TDRD1: variants seen among roughly 807,000 people sequenced by gnomAD.
TDRD1 encodes the protein tudor domain-containing protein 1.
Under a neutral mutation model 140.6 loss-of-function variants are expected in TDRD1, and 37 were observed. The observed-to-expected ratio is 0.26, with a 90% CI of 0.20 to 0.35. The LOEUF (loss-of-function observed/expected upper bound fraction) is 0.35, where lower values mean the gene tolerates loss of function less well. Ranked by LOEUF, TDRD1 falls within the 10% of genes least tolerant of loss-of-function variation. TDRD1 has a pLI of 1.00. For synonymous variants in TDRD1, 506 were observed against 475.7 expected, an observed-to-expected ratio of 1.06 and a Z score of -0.83; for missense variants, 1,243 against 1,393.0, an observed-to-expected ratio of 0.89 and a Z score of 1.71.
rs760834714 is a variant in TDRD1 at position 114,210,853 on chromosome 10, T to C, written c.1553-7T>C. 1.9e-6 allele frequency: 3 copies of C among 1,614,018 alleles called. No homozygotes were observed. In the East Asian group the frequency reaches 6.7e-5, roughly 36 times the overall value. On this transcript the variant is annotated splice_region_variant and splice_polypyrimidine_tract_variant and intron_variant, in intron 12 of 25. Transcript: ENST00000251864. ...GTATTTCTTTAAGATGTGATCTTTA[T>C]CTGCAGGAAAGCTTGCTGAACTTCA... is the stretch of plus-strand genomic sequence containing the variant.
chr10:114,194,282 C>G (rs1322139729), intron 3 of TDRD1, among the ~76,000 whole-genome samples: 1 of 152,128 alleles, frequency 6.6e-6, no homozygotes, highest in Admixed American at 6.6e-5. Flanking sequence ...TAATTCTTCT[C>G]TAAACATTTG....
At chr10:114,218,246 TCTTTC>T (rs2035936010) in intron 17 of TDRD1, among the ~76,000 whole-genome samples, 163 bp from the exon 18 acceptor site, 1 of 152,194 alleles carries the variant, frequency 6.6e-6, no homozygotes, top group African/African-American at 2.4e-5. Context: ...TTTTGAGAAT[TCTTTC>T]ATTCTAGAGA....
chr10:114,210,607 A>G, exon 12 of TDRD1: 1 of 1,596,058 alleles, frequency 6.3e-7, no homozygotes, highest in Non-Finnish European at 8.6e-7. Context: ...TGGAAAAATG[A>G]CAACTGAAAA....
At chr10:114,188,687 T>G (rs2033728805) in intron 2 of TDRD1, among the ~76,000 whole-genome samples, 1 of 151,880 alleles carries the variant, frequency 6.6e-6, no homozygotes, top group Non-Finnish European at 1.5e-5. Flanking sequence ...TGAAACCCCA[T>G]CTCTACTAAA....
At chr10:114,193,511 C>G (rs1232900764) in intron 3 of TDRD1, among the ~76,000 whole-genome samples, 1 of 152,090 alleles carries the variant, frequency 6.6e-6, no homozygotes, top group Non-Finnish European at 1.5e-5. Flanking sequence ...TCAGGCCGGT[C>G]CCGAACTCCT....
intron 1 of TDRD1, chr10:114,179,898 C>T (rs889928166): frequency 6.6e-6 from 1 of 152,120 alleles, no homozygotes; most frequent in Non-Finnish European, 1.5e-5. Flanking sequence ...AATACGTTAG[C>T]CCTGCTGGGC....
exon 26 of TDRD1, chr10:114,231,716 A>T: frequency 1.9e-6 from 1 of 515,190 alleles, no homozygotes; most frequent in Non-Finnish European, 3.4e-6. Flanking sequence ...TACGTAAAAA[A>T]TTCATACCAA....
At chr10:114,217,751 A>G (rs979440643) in intron 17 of TDRD1, 96 bp downstream of exon 17, 4 of 645,526 alleles carry the variant, frequency 6.2e-6, no homozygotes, top group Middle Eastern at 3.4e-4. Flanking sequence ...TTAAGCAAAC[A>G]TTTTTCATGG....
At chr10:114,193,744 C>T (rs1055459022) in intron 3 of TDRD1, among the ~76,000 whole-genome samples, 2 of 152,174 alleles carry the variant, frequency 1.3e-5, no homozygotes, top group Admixed American at 6.5e-5. Flanking sequence ...ACTTTCAACA[C>T]GAGGTTTGAA....
At chr10:114,222,503 T>C in intron 20 of TDRD1, 84 bp from the exon 21 acceptor site, 1 of 640,480 alleles carries the variant, frequency 1.6e-6, no homozygotes, top group South Asian at 2.5e-5. Flanking sequence ...GTTTTTGGAT[T>C]GATTAGACTT....
chr10:114,192,102 A>T (rs552469975), intron 3 of TDRD1, among the ~76,000 whole-genome samples: 2 of 149,976 alleles, frequency 1.3e-5, no homozygotes, highest in South Asian at 2.1e-4. Context: ...TATTTCAGAT[A>T]TTGGTCCTTT....
At chr10:114,202,751 C>A (rs1023668984) in intron 6 of TDRD1, among the ~76,000 whole-genome samples, 1 of 152,216 alleles carries the variant, frequency 6.6e-6, no homozygotes, top group Non-Finnish European at 1.5e-5. Flanking sequence ...AATGTGACTT[C>A]AGGTATTCAT....
chr10:114,199,661 C>T (rs1323770880), intron 4 of TDRD1, among the ~76,000 whole-genome samples: 20 of 152,202 alleles, frequency 1.3e-4, no homozygotes, highest in Non-Finnish European at 5.9e-5. Flanking sequence ...CATTGGTTTT[C>T]TACTCATGAA....
Position 114,214,123 on chromosome 10 carries a change from A to G in TDRD1, c.2212+9A>G, listed in dbSNP as rs778854347. 6.2e-7 allele frequency: 1 copy of G among 1,611,694 alleles called. No homozygotes were observed. The highest frequency in any genetic ancestry group is 1.1e-5 in the South Asian group (1 of 90,836). On this transcript the variant is annotated intron_variant, in intron 16 of 25. Transcript: ENST00000251864. ...TGTGCTTAAAGAGGATGGTAAGTTG[A>G]TTCTTGTCATTTGTTTCTTTTTACA...
chr10:114,185,268 C>T (rs932523377), intron 1 of TDRD1, among the ~76,000 whole-genome samples: 1 of 152,186 alleles, frequency 6.6e-6, no homozygotes, highest in Non-Finnish European at 1.5e-5. Flanking sequence ...CTGCTCACTG[C>T]GACCTCTGAC....
At position 114,206,347 on chromosome 10, in the gene TDRD1, A is replaced by T. The variant is rs1350797191; in HGVS notation, c.1384+17A>T. ...CAGATCAAAGTGAGTATAGATTGAT[A>T]TTGAACGGTATAGCGACTTCAGTTA... On this transcript the variant is annotated intron_variant, in intron 11 of 25. Transcript: ENST00000251864. 1.3e-6 allele frequency: 2 copies of T among 1,597,442 alleles called. No individual in the cohort carries two copies. The highest frequency in any genetic ancestry group is 2.2e-5 in the South Asian group (2 of 90,602).
exon 1 of TDRD1, chr10:114,179,379 G>A (rs1456479009): frequency 1.3e-5 from 2 of 152,474 alleles, no homozygotes; most frequent in Non-Finnish European, 2.9e-5. Context: ...AGACCGCAGA[G>A]ACAGGTTCGG....
chr10:114,227,038 G>A, intron 22 of TDRD1, 34 bp from the exon 23 acceptor site: 2 of 1,077,916 alleles, frequency 1.9e-6, no homozygotes. Context: ...CTTTTTAAAA[G>A]GGACTAAAAG....
chr10:114,193,915 T>G (rs2034164640), intron 3 of TDRD1, among the ~76,000 whole-genome samples: 1 of 152,194 alleles, frequency 6.6e-6, no homozygotes, highest in South Asian at 2.1e-4. Context: ...CATAAGTAGG[T>G]GTTGAATTTT....
Sources: gnomAD v4.1 joint callset for allele counts (sites outside exome capture counted in the v4.1 genomes callset) on GRCh38, gnomAD v4.1.1 for gene constraint, MANE v1.5 for transcripts, NCBI Gene and HGNC (gene_info 2026-07-23, HGNC 2026-07-21) for gene names.